Variants in PLCG2 observed in about 807,000 individuals in gnomAD.
The protein encoded by PLCG2 is phospholipase C gamma 2.
PLCG2 carries 69 observed loss-of-function variants against 175.6 expected under a neutral mutation model. The observed-to-expected ratio is 0.39, with a 90% CI of 0.32 to 0.48. PLCG2 has a LOEUF of 0.48. Ranked by LOEUF, PLCG2 falls within the 20% of genes least tolerant of loss-of-function variation. The probability of loss-of-function intolerance (pLI) is 0.91; values close to 1 mark genes in which losing one functional copy is unlikely to be tolerated. For synonymous variants in PLCG2, 827 were observed against 624.0 expected (o/e 1.33, Z -4.85); for missense variants, 1,798 against 1,650.9 (o/e 1.09, Z -1.54).
intron 1 of PLCG2, among the ~76,000 whole-genome samples, chr16:81,779,948 G>A (rs4254322): frequency 0.77 from 117,316 of 152,160 alleles, 45,400 homozygotes; most frequent in South Asian, 0.9. Context: ...CCGCTCCGCA[G>A]CTGTCTGCGT....
chr16:81,889,209 G>A lies in PLCG2; in HGVS notation c.803G>A (p.Arg268Gln), dbSNP rs1353126296. ...WAQDLNKVRE[R>Q]MTKFIDDTMR... ...CAGGATCTGAACAAAGTCCGTGAGC[G>A]GATGACAAAGTTCATTGATGACACC... is the stretch of plus-strand genomic sequence containing the variant. Residue 268 changes from arginine (R) to glutamine (Q), a missense_variant, in exon 10 of 33, where the codon CGG becomes CAG. By Grantham distance (43) the Arg-to-Gln change is conservative. Transcript: ENST00000564138. 9 of 1,605,330 alleles carry A rather than the reference G, an allele frequency of 5.6e-6. No individual in the cohort carries two copies. Among genetic ancestry groups the A allele is most frequent in the South Asian group, 2.2e-5 (2 of 89,404 alleles).
chr16:81,788,363 C>G (rs1911076914), intron 2 of PLCG2, among the ~76,000 whole-genome samples: 1 of 152,162 alleles, frequency 6.6e-6, no homozygotes, highest in Non-Finnish European at 1.5e-5. Context: ...TCACTGCAAG[C>G]TCCGCCTCCC....
At chr16:81,940,244 T>C (rs1253008916) in intron 30 of PLCG2, among the ~76,000 whole-genome samples, 185 bp downstream of exon 30, 1 of 152,068 alleles carries the variant, frequency 6.6e-6, no homozygotes, top group Non-Finnish European at 1.5e-5. Context: ...AGGAAGTGGG[T>C]GACAGGGGAG....
chr16:81,859,563 C>T (rs1906857596), intron 5 of PLCG2, among the ~76,000 whole-genome samples: 2 of 151,066 alleles, frequency 1.3e-5, no homozygotes, highest in East Asian at 1.9e-4. Context: ...GAGACGGAGT[C>T]TCGCTCTTTC....
chr16:81,843,681 A>T (rs1171123858), intron 2 of PLCG2, among the ~76,000 whole-genome samples: 2 of 152,238 alleles, frequency 1.3e-5, no homozygotes, highest in African/African-American at 4.8e-5. Flanking sequence ...CTGAATTAGG[A>T]TATTCTTCTA....
At chr16:81,828,396 C>T (rs1380932551) in intron 2 of PLCG2, among the ~76,000 whole-genome samples, 5 of 151,766 alleles carry the variant, frequency 3.3e-5, no homozygotes, top group African/African-American at 1.2e-4. Context: ...TGCCACCACG[C>T]CCGGCTAATT....
chr16:81,905,443 T>C lies in PLCG2; in HGVS notation c.1403T>C (p.Met468Thr). The stretch of plus-strand genomic sequence containing the variant: ...CCCCGAGGCGATGTGGATGTCAACA[T>C]GGAGGACAAGAAGGACGAACACAAG... ...LGPRGDVDVN[M>T]EDKKDEHKQQ... The change falls in exon 15 of 33, where the codon ATG becomes ACG. Residue 468 changes from methionine to threonine, a missense_variant. Coordinates refer to ENST00000564138, the MANE Select transcript of PLCG2 (RefSeq NM_002661.5). 1 of 1,614,170 alleles carries C rather than the reference T, an allele frequency of 6.2e-7. No homozygotes were observed. The highest frequency in any genetic ancestry group is 8.5e-7 in the Non-Finnish European group (1 of 1,180,008).
At chr16:81,923,341 T>G in intron 21 of PLCG2, 144 bp from the exon 22 acceptor site, 1 of 579,218 alleles carries the variant, frequency 1.7e-6, no homozygotes, top group Middle Eastern at 2.9e-4. Flanking sequence ...GCAATGCCAG[T>G]CCCTCTCCAG....
intron 10 of PLCG2, among the ~76,000 whole-genome samples, chr16:81,889,730 C>T (rs1005867195): frequency 6.6e-6 from 1 of 152,156 alleles, no homozygotes; most frequent in South Asian, 2.1e-4. Flanking sequence ...TCTCACCTCA[C>T]TGCAACCTCC....
At chr16:81,849,907 A>C (rs543229412) in intron 2 of PLCG2, among the ~76,000 whole-genome samples, 4 of 152,244 alleles carry the variant, frequency 2.6e-5, no homozygotes, top group African/African-American at 4.8e-5. Context: ...CTGGCAGTCA[A>C]CTGGGTGGGT....
chr16:81,810,741 A>G (rs984474495), intron 2 of PLCG2, among the ~76,000 whole-genome samples: 2 of 151,670 alleles, frequency 1.3e-5, no homozygotes, highest in Non-Finnish European at 2.9e-5. Context: ...TGATTTATTC[A>G]GTGACTATCT....
intron 2 of PLCG2, among the ~76,000 whole-genome samples, chr16:81,839,085 G>A (rs781126623): frequency 2.6e-5 from 4 of 152,078 alleles, no homozygotes; most frequent in Non-Finnish European, 4.4e-5. Flanking sequence ...ATATTGTCAC[G>A]TTTCCACTGA....
intron 11 of PLCG2, among the ~76,000 whole-genome samples, chr16:81,893,231 C>T (rs1363376590): frequency 1.3e-5 from 2 of 152,152 alleles, no homozygotes; most frequent in Non-Finnish European, 2.9e-5. Flanking sequence ...GTCATTCTTA[C>T]GGCAGTTTTG....
chr16:81,943,971 G>T (rs1597149354), intron 30 of PLCG2, among the ~76,000 whole-genome samples: 1 of 152,048 alleles, frequency 6.6e-6, no homozygotes, highest in Non-Finnish European at 1.5e-5. Context: ...GTGTCCCATG[G>T]GCTCATTTTG....
At chr16:81,925,459 G>A (rs186871776) in intron 22 of PLCG2, among the ~76,000 whole-genome samples, 1 of 152,288 alleles carries the variant, frequency 6.6e-6, no homozygotes, top group South Asian at 2.1e-4. Flanking sequence ...GTGCGGGGGG[G>A]CGTGAAAAGG....
chr16:81,880,732 T>C (rs903620282), intron 7 of PLCG2, among the ~76,000 whole-genome samples, 178 bp from the exon 8 acceptor site: 5 of 152,230 alleles, frequency 3.3e-5, no homozygotes, highest in East Asian at 1.9e-4. Context: ...CTTCTACCTT[T>C]TGCTTCTTAA....
intron 2 of PLCG2, among the ~76,000 whole-genome samples, chr16:81,800,234 G>A (rs1249025820): frequency 6.6e-6 from 1 of 152,076 alleles, no homozygotes; most frequent in Non-Finnish European, 1.5e-5. Context: ...GTAAGTTCTG[G>A]GATACATGTG....
chr16:81,926,577 A>T (rs1355907134), intron 22 of PLCG2, among the ~76,000 whole-genome samples: 1 of 152,230 alleles, frequency 6.6e-6, no homozygotes, highest in Non-Finnish European at 1.5e-5. Flanking sequence ...CGCTGTCCCA[A>T]GCACTCAGCT....
chr16:81,769,678 G>A (rs1405531018), intron 2 of PLCG2, among the ~76,000 whole-genome samples: 15 of 151,794 alleles, frequency 9.9e-5, no homozygotes, highest in Admixed American at 7.9e-4. Flanking sequence ...AAATTAGCCG[G>A]GCGTAGTGGC....
Sources: gnomAD v4.1 joint callset for allele counts (sites outside exome capture counted in the v4.1 genomes callset) on GRCh38, gnomAD v4.1.1 for gene constraint, MANE v1.5 for transcripts, NCBI Gene and HGNC (gene_info 2026-07-23, HGNC 2026-07-21) for gene names.